COX7B2: variants seen among roughly 807,000 people sequenced by gnomAD.
COX7B2 encodes the protein cytochrome c oxidase subunit 7B2, also known as cytochrome c oxidase subunit 7B2, mitochondrial.
For synonymous variants in COX7B2, 37 were observed against 32.1 expected, an observed-to-expected ratio of 1.15 and a Z score of -0.51; for missense variants, 109 against 95.9, an observed-to-expected ratio of 1.14 and a Z score of -0.57.
chr4:46,766,623 C>T (rs948637727), intron 2 of COX7B2, among the ~76,000 whole-genome samples: 4 of 151,316 alleles, frequency 2.6e-5, no homozygotes, highest in African/African-American at 7.3e-5. Context: ...AATCTCTTGA[C>T]CCAGGAGGCA....
chr4:46,895,616 C>A (rs565203349), intron 1 of COX7B2, among the ~76,000 whole-genome samples: 12 of 152,200 alleles, frequency 7.9e-5, no homozygotes, highest in African/African-American at 2.6e-4. Context: ...ATATAATAAA[C>A]CTGCACATAT....
At chr4:46,834,510 TA>T (rs928056023) in intron 2 of COX7B2, among the ~76,000 whole-genome samples, 4 of 151,982 alleles carry the variant, frequency 2.6e-5, no homozygotes, top group Non-Finnish European at 5.9e-5. Context: ...CAAATTCACG[TA>T]AAAAAATGAA....
chr4:46,878,178 G>C (rs1429797810), intron 1 of COX7B2, among the ~76,000 whole-genome samples: 6 of 152,040 alleles, frequency 3.9e-5, no homozygotes, highest in Admixed American at 3.3e-4. Context: ...CTTATATGCG[G>C]AAGTTTTTTT....
chr4:46,735,376 T>C, intron 2 of COX7B2, 135 bp from the exon 3 acceptor site: 1 of 650,584 alleles, frequency 1.5e-6, no homozygotes, highest in South Asian at 2.2e-5. Flanking sequence ...TGAATTTGAA[T>C]CCCAGCTTTG....
intron 1 of COX7B2, among the ~76,000 whole-genome samples, chr4:46,866,025 T>C (rs1717641181): frequency 6.6e-6 from 1 of 152,202 alleles, no homozygotes; most frequent in South Asian, 2.1e-4. Context: ...ATCTTTTGCA[T>C]CCATTGCTGT....
intron 1 of COX7B2, among the ~76,000 whole-genome samples, chr4:46,893,085 GT>G (rs914556936): frequency 6.6e-6 from 1 of 152,100 alleles, no homozygotes; most frequent in African/African-American, 2.4e-5. Flanking sequence ...AAATTACCCA[GT>G]CTCAGGTATT....
At chr4:46,762,247 ATATT>A (rs1390910734) in intron 2 of COX7B2, among the ~76,000 whole-genome samples, 2 of 141,716 alleles carry the variant, frequency 1.4e-5, no homozygotes, top group Non-Finnish European at 1.5e-5. Flanking sequence ...AATATATTAT[ATATT>A]TAATATATAA....
At chr4:46,880,299 G>A (rs1008185517) in intron 1 of COX7B2, among the ~76,000 whole-genome samples, 1 of 152,020 alleles carries the variant, frequency 6.6e-6, no homozygotes, top group African/African-American at 2.4e-5. Flanking sequence ...AGAAAGAGCT[G>A]AGGAAGAGTC....
chr4:46,763,297 A>G (rs11944301), intron 2 of COX7B2, among the ~76,000 whole-genome samples: 46,625 of 144,806 alleles, frequency 0.32, 7,813 homozygotes, highest in South Asian at 0.47. Context: ...TCTATAAAGC[A>G]TATAATTTCA....
intron 2 of COX7B2, among the ~76,000 whole-genome samples, chr4:46,830,616 G>A (rs1199267541): frequency 6.6e-6 from 1 of 152,192 alleles, no homozygotes; most frequent in Non-Finnish European, 1.5e-5. Flanking sequence ...AGTGTTCACA[G>A]AGCAATTGTA....
intron 2 of COX7B2, among the ~76,000 whole-genome samples, chr4:46,779,708 A>G (rs1277682015): frequency 6.6e-6 from 1 of 152,028 alleles, no homozygotes; most frequent in Non-Finnish European, 1.5e-5. Flanking sequence ...TGTCTTTTTG[A>G]TAGCTGTCAT....
intron 2 of COX7B2, among the ~76,000 whole-genome samples, chr4:46,779,215 T>C (rs1414320601): frequency 6.6e-6 from 1 of 152,208 alleles, no homozygotes; most frequent in East Asian, 1.9e-4. Flanking sequence ...GCAATGCTAT[T>C]TCCAAATCAC....
intron 1 of COX7B2, among the ~76,000 whole-genome samples, chr4:46,882,864 T>C (rs1316010141): frequency 6.6e-6 from 1 of 152,220 alleles, no homozygotes; most frequent in Non-Finnish European, 1.5e-5. Context: ...GAGTCCACCA[T>C]ACGTGAATTT....
intron 2 of COX7B2, among the ~76,000 whole-genome samples, chr4:46,813,107 C>A (rs1408695157): frequency 6.6e-6 from 1 of 152,156 alleles, no homozygotes; most frequent in Non-Finnish European, 1.5e-5. Context: ...GCACCACCAA[C>A]TGGGATGGGG....
intron 1 of COX7B2, among the ~76,000 whole-genome samples, chr4:46,908,813 G>A (rs1422680000): frequency 2.0e-5 from 3 of 151,586 alleles, no homozygotes; most frequent in Admixed American, 1.3e-4. Flanking sequence ...AGGCCGAGGC[G>A]GGTGGATCAC....
At chr4:46,841,838 T>C (rs902483223) in intron 2 of COX7B2, among the ~76,000 whole-genome samples, 9 of 151,916 alleles carry the variant, frequency 5.9e-5, no homozygotes, top group African/African-American at 2.2e-4. Flanking sequence ...TCTGTAGCAA[T>C]TACAGGAAAT....
chr4:46,761,524 T>C (rs1716143974), intron 2 of COX7B2, among the ~76,000 whole-genome samples: 3 of 152,188 alleles, frequency 2.0e-5, no homozygotes, highest in Non-Finnish European at 4.4e-5. Context: ...CTGTTTCTGT[T>C]ACGGTAACAT....
chr4:46,816,046 A>G lies in COX7B2; in HGVS notation c.-50+28914T>C, dbSNP rs555932934. 2.0e-5 allele frequency among the ~76,000 whole-genome samples: 3 copies of G among 152,284 alleles called. No individual in the cohort carries two copies. In the South Asian group the frequency reaches 6.2e-4, roughly 32 times the overall value. On this transcript the variant is annotated intron_variant, in intron 2 of 2. Coordinates refer to ENST00000355591, the MANE Select transcript of COX7B2 (RefSeq NM_130902.3). ...GTAGGCCCTCCTTATATCCTCACCA[A>G]TGGTGGCCACTCTCGGTCAGTCCTC...
intron 2 of COX7B2, 141 bp from the exon 3 acceptor site, chr4:46,735,382 C>T (rs1359234729): frequency 3.2e-6 from 2 of 624,234 alleles, no homozygotes; most frequent in African/African-American, 3.8e-5. Flanking sequence ...TGAATCCCAG[C>T]TTTGCCACCG....
Sources: gnomAD v4.1 joint callset for allele counts (sites outside exome capture counted in the v4.1 genomes callset) on GRCh38, gnomAD v4.1.1 for gene constraint, MANE v1.5 for transcripts, NCBI Gene and HGNC (gene_info 2026-07-23, HGNC 2026-07-21) for gene names.